The following AAK1 variants were observed in gnomAD, a reference collection of about 807,000 sequenced individuals.
The protein encoded by AAK1 is AP2-associated protein kinase 1.
In AAK1, 37 loss-of-function variants were observed where a neutral mutation model predicts 116.0. The ratio of observed to expected loss-of-function variants is 0.32; its 90% CI spans 0.25 to 0.42. AAK1 has a LOEUF of 0.42. Ranked by LOEUF, AAK1 falls within the 10% of genes least tolerant of loss-of-function variation. The pLI is 1.00. For missense variants in AAK1, 919 were observed against 1,170.6 expected (o/e 0.79, Z 3.14); for synonymous variants, 458 against 439.9 (o/e 1.04, Z -0.51).
intron 2 of AAK1, among the ~76,000 whole-genome samples, chr2:69,603,087 A>T (rs922627023): frequency 6.6e-6 from 1 of 152,204 alleles, no homozygotes; most frequent in Non-Finnish European, 1.5e-5. Context: ...CATTAAAATA[A>T]TTTATCAGTT....
At chr2:69,556,621 A>G (rs1671396398) in intron 3 of AAK1, among the ~76,000 whole-genome samples, 1 of 151,572 alleles carries the variant, frequency 6.6e-6, no homozygotes, top group South Asian at 2.1e-4. Flanking sequence ...CAATGCCCAA[A>G]ATGACTTTTC....
rs565310710 is a variant in AAK1 at position 69,496,071 on chromosome 2, C to T, written c.2279G>A (p.Arg760Lys). The change falls in exon 17 of 22, where the codon AGG becomes AAG. Residue 760 changes from arginine (R) to lysine (K), a missense_variant. Around this residue, in one of 4 missense-constraint regions of AAK1, gnomAD observed 263 missense variants for 285.5 expected, o/e 0.92. Coordinates refer to ENST00000409085, the MANE Select transcript of AAK1 (RefSeq NM_014911.5). ...AGAGTCCACAGTCTGCCCACCCTTC[C>T]TTTTTTCAGCTGGAGTTAGGTTGGA... ...TSFSAGTAEK[R>K]KGGQTVDSGL... is the part of the protein sequence containing the mutation. 6.4e-7 allele frequency: 1 copy of T among 1,553,646 alleles called. No individual in the cohort carries two copies. Among genetic ancestry groups the T allele is most frequent in the East Asian group, 2.4e-5 (1 of 41,148 alleles).
At chr2:69,545,481 G>A (rs956012505) in intron 3 of AAK1, among the ~76,000 whole-genome samples, 3 of 152,186 alleles carry the variant, frequency 2.0e-5, no homozygotes, top group Non-Finnish European at 2.9e-5. Context: ...TCAGGGGGAA[G>A]GAAAACATGT....
At position 69,475,507 on chromosome 2, in the gene AAK1, AAGAACGAGACAAAAGTGTCAATT is replaced by A. The variant is rs1371297505; in HGVS notation, c.*339_*361del. 2.0e-4 allele frequency: 205 copies of A among 1,033,748 alleles called. 2 individuals are homozygous for A. In the South Asian group the frequency reaches 3.1e-3, roughly 16 times the overall value. The allele number at this position is 1,033,748 out of a possible 1,614,324, so 64.0% of individuals were successfully genotyped here. On this transcript the variant is annotated 3_prime_UTR_variant, in exon 22 of 22. Transcript: ENST00000409085. Reference sequence around the variant, plus strand: ...ATTGATCTGGGAGGCCATTCCTAGCAAGAACGAGACAAAAGTGTCAATTCACTAGTTTCAGTTACAGTTAAGCT... The same window carrying A: ...ATTGATCTGGGAGGCCATTCCTAGCACACTAGTTTCAGTTACAGTTAAGCT...
chr2:69,611,902 CA>C, intron 2 of AAK1, among the ~76,000 whole-genome samples: 1 of 152,292 alleles, frequency 6.6e-6, no homozygotes, highest in East Asian at 1.9e-4. Context: ...TCACAAAAAG[CA>C]AAACACTCTA....
At chr2:69,557,556 T>C (rs1371215920) in intron 2 of AAK1, among the ~76,000 whole-genome samples, 5 of 152,212 alleles carry the variant, frequency 3.3e-5, no homozygotes, top group African/African-American at 1.2e-4. Context: ...CCTCCCACAG[T>C]GCTGGGATTA....
chr2:69,574,377 C>CAAAAAAA (rs58486434), intron 2 of AAK1, among the ~76,000 whole-genome samples: 2 of 74,894 alleles, frequency 2.7e-5, no homozygotes, highest in Admixed American at 3.0e-4. Context: ...GACTCCCTCT[C>CAAAAAAA]AAAAAAAAAA....
chr2:69,530,594 C>CT lies in AAK1; in HGVS notation c.738+30dup, dbSNP rs1670215551. 3 of 1,564,888 alleles carry CT rather than the reference C, an allele frequency of 1.9e-6. No individual in the cohort carries two copies. The East Asian group carries it at 6.7e-5, about 35-fold the overall frequency. On this transcript the variant is annotated intron_variant, in intron 7 of 21. Transcript: ENST00000409085. The stretch of plus-strand genomic sequence containing the variant: ...AATTCACAGTCAAGACTGCTGCTAT[C>CT]TGAGGTATGGATAGGTTACCTGACA...
chr2:69,643,638 C>T lies in AAK1; in HGVS notation c.-298G>A. The T allele has an allele frequency of 8.1e-7, 1 of 1,227,784 alleles. No homozygotes were observed. Among genetic ancestry groups the T allele is most frequent in the South Asian group, 4.2e-5 (1 of 24,094 alleles). 76.1% of individuals were successfully genotyped at this position (1,227,784 alleles called of 1,614,324 possible). On this transcript the variant is annotated 5_prime_UTR_variant, in exon 1 of 22. Coordinates refer to ENST00000409085, the MANE Select transcript of AAK1 (RefSeq NM_014911.5). ...CGCGACATTGTCACGGCCGCCGGGC[C>T]GGCCTGCGACGCAGAGAAGAGGCGG...
At chr2:69,626,297 T>C (rs1183425326) in intron 2 of AAK1, among the ~76,000 whole-genome samples, 1 of 151,702 alleles carries the variant, frequency 6.6e-6, no homozygotes, top group Admixed American at 6.6e-5. Flanking sequence ...TCTGCCCTGA[T>C]TCAGCATCCA....
chr2:69,492,903 T>TA (rs1322308696), intron 17 of AAK1, among the ~76,000 whole-genome samples: 7 of 151,900 alleles, frequency 4.6e-5, no homozygotes, highest in Non-Finnish European at 8.8e-5. Context: ...GGCAAAAAAC[T>TA]TGACTGGTGT....
intron 2 of AAK1, among the ~76,000 whole-genome samples, chr2:69,612,701 T>C (rs771307269): frequency 1.5e-4 from 23 of 152,206 alleles, no homozygotes; most frequent in Non-Finnish European, 3.4e-4. Flanking sequence ...AGTCTCAGTG[T>C]TGTCTAAGGA....
Position 69,462,374 on chromosome 2 carries a change from T to C in AAK1, c.*13495A>G, listed in dbSNP as rs1490877276. 1 of 149,812 alleles carries C rather than the reference T, an allele frequency of 6.7e-6. No individual in the cohort carries two copies. The highest frequency in any genetic ancestry group is 2.5e-5 in the African/African-American group (1 of 40,728). 9.3% of individuals were successfully genotyped at this position (149,812 alleles called of 1,614,324 possible). A position where few individuals can be genotyped will look rare whatever the true frequency, so the allele number is the denominator to read the frequency against. ...CCTAAAACTTAAAGTATAATAATAA[T>C]TTAAAAAAAAAAAAAGAATTTCTGG... On this transcript the variant is annotated 3_prime_UTR_variant, in exon 22 of 22. Coordinates refer to ENST00000409085, the MANE Select transcript of AAK1 (RefSeq NM_014911.5).
At chr2:69,548,975 A>C (rs974772283) in intron 3 of AAK1, among the ~76,000 whole-genome samples, 2 of 152,130 alleles carry the variant, frequency 1.3e-5, no homozygotes, top group African/African-American at 4.8e-5. Flanking sequence ...CTCACCCGTT[A>C]GACAGTTCTT....
In AAK1 at chr2:69,464,620, C is replaced by A. The variant is rs369351906; in HGVS notation, c.*11249G>T. ...AGGCATGATGGGGCAGGATTTCCCT[C>A]AAGTGGAAATGCTTCCTGTGCACAC... On this transcript the variant is annotated 3_prime_UTR_variant, in exon 22 of 22. Coordinates refer to ENST00000409085, the MANE Select transcript of AAK1 (RefSeq NM_014911.5). 5 of 152,562 alleles carry A rather than the reference C, an allele frequency of 3.3e-5. No individual in the cohort carries two copies. The highest frequency in any genetic ancestry group is 9.7e-5 in the African/African-American group (4 of 41,438). The allele number at this position is 152,562 out of a possible 1,614,324, so 9.5% of individuals were successfully genotyped here.
At chr2:69,609,985 G>A (rs951842619) in intron 2 of AAK1, among the ~76,000 whole-genome samples, 2 of 137,918 alleles carry the variant, frequency 1.5e-5, no homozygotes, top group Non-Finnish European at 3.0e-5. Flanking sequence ...GGGAGGCGGA[G>A]CTTTGCAGTG....
chr2:69,505,577 G>A lies in AAK1; in HGVS notation c.2261C>T (p.Ala754Val), dbSNP rs746642455. 6 of 1,613,302 alleles carry A rather than the reference G, an allele frequency of 3.7e-6. No homozygotes were observed. The Admixed American group carries it at 1.0e-4, about 27-fold the overall frequency. ...GTATTTGCCATACTAACCAGTTCCAGCAGAAAATGAGGTCGTAGCAAAAGC... is the reference window on the plus strand; with the variant it reads ...GTATTTGCCATACTAACCAGTTCCAACAGAAAATGAGGTCGTAGCAAAAGC... ...GDAFATTSFS[A>V]GTAEKRKGGQ... Residue 754 changes from alanine (A) to valine (V), a missense_variant, in exon 16 of 22, where the codon GCT (alanine) becomes GTT (valine). Physicochemically the swap from Ala to Val is moderately conservative, Grantham distance 64 (BLOSUM62 0). Coordinates refer to ENST00000409085, the MANE Select transcript of AAK1 (RefSeq NM_014911.5).
At chr2:69,628,113 G>A (rs1476234723) in intron 2 of AAK1, among the ~76,000 whole-genome samples, 1 of 152,174 alleles carries the variant, frequency 6.6e-6, no homozygotes, top group Non-Finnish European at 1.5e-5. Flanking sequence ...ACCTCCCTGT[G>A]AGGACCATAC....
At chr2:69,615,638 T>C (rs1674292219) in intron 2 of AAK1, among the ~76,000 whole-genome samples, 1 of 152,230 alleles carries the variant, frequency 6.6e-6, no homozygotes, top group Non-Finnish European at 1.5e-5. Flanking sequence ...GAAACTGTAC[T>C]CACACAGAAA....
Sources: gnomAD v4.1 joint callset for allele counts (sites outside exome capture counted in the v4.1 genomes callset) on GRCh38, gnomAD v4.1.1 for gene constraint, gnomAD v4.1.1 regional missense constraint, MANE v1.5 for transcripts, NCBI Gene and HGNC (gene_info 2026-07-23, HGNC 2026-07-21) for gene names.